Variants in CR1L observed in about 807,000 individuals in gnomAD.
The protein encoded by CR1L is complement C3b/C4b receptor 1 like.
A neutral mutation model predicts 62.3 loss-of-function variants in CR1L; 59 were observed. The ratio of observed to expected loss-of-function variants is 0.95; its 90% CI spans 0.77 to 1.18. The LOEUF (loss-of-function observed/expected upper bound fraction) is 1.18, where lower values mean the gene tolerates loss of function less well. CR1L is among the 50% of genes most tolerant of loss of function. The pLI, the probability that CR1L is intolerant of heterozygous loss-of-function variation, is 0.00. For synonymous variants in CR1L, 279 were observed against 248.7 expected (o/e 1.12, Z -1.15); for missense variants, 700 against 702.8 (o/e 1.00, Z 0.04).
chr1:207,719,582 G>A (rs774835270), intron 11 of CR1L, among the ~76,000 whole-genome samples: 71 of 152,018 alleles, frequency 4.7e-4, no homozygotes, highest in East Asian at 1.9e-4. Context: ...TTAGCTGGGC[G>A]TGGTAGTGCA....
intron 4 of CR1L, among the ~76,000 whole-genome samples, chr1:207,689,819 G>A (rs12124571): frequency 1.2e-3 from 187 of 151,888 alleles, no homozygotes; most frequent in Non-Finnish European, 2.0e-3. Flanking sequence ...ATTTTATATC[G>A]TATTGAATTA....
intron 1 of CR1L, among the ~76,000 whole-genome samples, chr1:207,672,274 A>G (rs1253827619): frequency 6.6e-6 from 1 of 150,598 alleles, no homozygotes; most frequent in East Asian, 1.9e-4. Flanking sequence ...AAGGAAAATT[A>G]TTAGGAATAA....
In CR1L at chr1:207,713,139, A is replaced by G. The variant is rs191562537; in HGVS notation, c.1415-4325A>G. ...AATGAAAAAATGGCACATACAACTC[A>G]ATATCAGATACAAACCTAAATACAG... On this transcript the variant is annotated intron_variant, in intron 10 of 11. Transcript: ENST00000508064. Among the ~76,000 whole-genome samples the G allele has an allele frequency of 1.5e-3, 231 of 152,316 alleles. 3 individuals are homozygous for G. The highest frequency in any genetic ancestry group is 5.3e-3 in the African/African-American group (219 of 41,552).
Position 207,683,010 on chromosome 1 carries a change from T to TTC in CR1L, c.378-861_378-860insCT, listed in dbSNP as rs760053682. On this transcript the variant is annotated intron_variant, in intron 3 of 11. Transcript: ENST00000508064. Reference sequence around the variant, plus strand: ...TTTCTTTTTTTCTTTCTTTCTTTCTTTTTCTTTCTTTCTTTCCTTCCTTCC... The same window carrying TTC: ...TTTCTTTTTTTCTTTCTTTCTTTCTTTCTTTCTTTCTTTCTTTCCTTCCTTCC... Among the ~76,000 whole-genome samples the TTC allele has an allele frequency of 1.5e-3, 185 of 125,472 alleles. No homozygotes were observed. The Middle Eastern group carries it at 0.015, about 10-fold the overall frequency. 82.3% of individuals were successfully genotyped at this position (125,472 alleles called of 152,430 possible).
At chr1:207,710,582 C>T (rs1159111378) in intron 10 of CR1L, 6 of 1,610,020 alleles carry the variant, frequency 3.7e-6, no homozygotes, top group Admixed American at 1.7e-5. Context: ...CGGCCCAGTC[C>T]CTCAGTGCAT....
At chr1:207,653,931 G>C (rs1663267749) in intron 1 of CR1L, among the ~76,000 whole-genome samples, 1 of 152,186 alleles carries the variant, frequency 6.6e-6, no homozygotes, top group African/African-American at 2.4e-5. Context: ...ATCAGAACAT[G>C]CTGGAAAGTG....
At chr1:207,683,227 C>T (rs1663833434) in intron 3 of CR1L, among the ~76,000 whole-genome samples, 1 of 151,960 alleles carries the variant, frequency 6.6e-6, no homozygotes, top group South Asian at 2.1e-4. Context: ...GCCTCAATCT[C>T]CCAGGCTCAA....
chr1:207,714,067 A>G (rs1447646651), intron 10 of CR1L, among the ~76,000 whole-genome samples: 1 of 152,238 alleles, frequency 6.6e-6, no homozygotes, highest in Non-Finnish European at 1.5e-5. Flanking sequence ...CCCGCATCCA[A>G]GAAGAACAAG....
At chr1:207,649,070 A>G (rs1411676066) in intron 1 of CR1L, among the ~76,000 whole-genome samples, 1 of 152,158 alleles carries the variant, frequency 6.6e-6, no homozygotes, top group South Asian at 2.1e-4. Flanking sequence ...AACACGTGAT[A>G]ATTACCTGAG....
chr1:207,710,708 A>G (rs1664342137), intron 10 of CR1L: 2 of 1,609,992 alleles, frequency 1.2e-6, no homozygotes, highest in Non-Finnish European at 1.7e-6. Context: ...TGGCTTTGTC[A>G]TGAAAGGACC....
chr1:207,683,066 C>A (rs1434216944), intron 3 of CR1L, among the ~76,000 whole-genome samples: 1 of 140,016 alleles, frequency 7.1e-6, no homozygotes, highest in African/African-American at 2.7e-5. Context: ...TTCTTTCTTT[C>A]TTTCTCTTTC....
At position 207,705,359 on chromosome 1, in the gene CR1L, C is replaced by T. The variant is rs566386737; in HGVS notation, c.1329-2819C>T. ...ATATTTGGGGGAGACACAATTCAAC[C>T]TATAACAGAGTCCCTTTGAAAATGT... On this transcript the variant is annotated intron_variant, in intron 9 of 11. Transcript: ENST00000508064. 8.5e-4 allele frequency among the ~76,000 whole-genome samples: 130 copies of T among 152,318 alleles called. 1 individual carries two copies. The highest frequency in any genetic ancestry group is 3.0e-3 in the African/African-American group (126 of 41,564).
chr1:207,695,858 T>C (rs1664094714), intron 5 of CR1L, among the ~76,000 whole-genome samples: 1 of 152,144 alleles, frequency 6.6e-6, no homozygotes, highest in African/African-American at 2.4e-5. Flanking sequence ...AAGAGAACTA[T>C]ATCACAATAC....
intron 4 of CR1L, among the ~76,000 whole-genome samples, chr1:207,689,348 C>T (rs1427060701): frequency 6.6e-6 from 1 of 151,738 alleles, no homozygotes; most frequent in Admixed American, 6.6e-5. Context: ...GATGATTATC[C>T]TATCTATGAA....
chr1:207,696,945 A>G (rs765312262), intron 5 of CR1L, among the ~76,000 whole-genome samples: 9 of 152,224 alleles, frequency 5.9e-5, no homozygotes, highest in African/African-American at 9.6e-5. Flanking sequence ...GCTGCATAGC[A>G]TGAAGGGAGG....
In CR1L at chr1:207,686,164, CTT is replaced by C. The variant is rs1491400715; in HGVS notation, c.463+2208_463+2209del. 5.2e-3 allele frequency among the ~76,000 whole-genome samples: 491 copies of C among 94,606 alleles called. 1 individual carries two copies. The highest frequency in any genetic ancestry group is 0.032 in the East Asian group (67 of 2,120). 62.1% of individuals were successfully genotyped at this position (94,606 alleles called of 152,430 possible). A position where few individuals can be genotyped will look rare whatever the true frequency, so the allele number is the denominator to read the frequency against. On this transcript the variant is annotated intron_variant, in intron 4 of 11. Coordinates refer to ENST00000508064, the MANE Select transcript of CR1L (RefSeq NM_175710.2). ...CCTTCCTTCCTTCCTTCCTTCCTTC[CTT>C]CCTTCCTTCCTTCCCTCCTTCCCTC...
At chr1:207,687,287 T>C (rs1663927345) in intron 4 of CR1L, among the ~76,000 whole-genome samples, 1 of 152,234 alleles carries the variant, frequency 6.6e-6, no homozygotes, top group Admixed American at 6.5e-5. Context: ...GGAAAAGCCA[T>C]ATAGCCTGGA....
chr1:207,686,527 C>T (rs183740650), intron 4 of CR1L, among the ~76,000 whole-genome samples: 4 of 152,146 alleles, frequency 2.6e-5, no homozygotes, highest in African/African-American at 4.8e-5. Context: ...GTTTTGAGTA[C>T]ATTTTTGAAA....
intron 1 of CR1L, among the ~76,000 whole-genome samples, chr1:207,665,334 G>A (rs114608601): frequency 0.029 from 4,376 of 152,048 alleles, 91 homozygotes; most frequent in South Asian, 0.049. Flanking sequence ...GATTACAGGC[G>A]TGAGCTGTAG....
Sources: gnomAD v4.1 joint callset for allele counts (sites outside exome capture counted in the v4.1 genomes callset) on GRCh38, gnomAD v4.1.1 for gene constraint, MANE v1.5 for transcripts, NCBI Gene and HGNC (gene_info 2026-07-23, HGNC 2026-07-21) for gene names.